The following SAMMSON variants were observed in gnomAD, a reference collection of about 807,000 sequenced individuals.
SAMMSON encodes the protein survival associated mitochondrial melanoma specific oncogenic non-coding RNA, also known as long intergenic non-protein coding RNA 1212.
intron 9 of SAMMSON, among the ~76,000 whole-genome samples, chr3:70,377,467 A>G (rs889720074): frequency 3.3e-5 from 5 of 152,064 alleles, no homozygotes; most frequent in African/African-American, 9.7e-5. Context: ...TGGACACCCC[A>G]CTCCACAAGA....
At chr3:70,224,947 T>G (rs1422282559) in intron 4 of SAMMSON, among the ~76,000 whole-genome samples, 1 of 152,190 alleles carries the variant, frequency 6.6e-6, no homozygotes, top group Non-Finnish European at 1.5e-5. Context: ...TTCATTAGTT[T>G]TGACTAAATA....
chr3:70,125,052 C>T, intron 4 of SAMMSON: 2 of 793,636 alleles, frequency 2.5e-6, no homozygotes, highest in Non-Finnish European at 4.3e-6. Context: ...TCAAAAGAAA[C>T]CTTTATTAAT....
At chr3:70,124,003 G>A (rs73105989) in intron 4 of SAMMSON, among the ~76,000 whole-genome samples, 33,079 of 152,162 alleles carry the variant, frequency 0.22, 3,931 homozygotes, top group East Asian at 0.5. Context: ...CAGATTGGGC[G>A]GATGCCCGGA....
At chr3:70,316,988 AGGT>A (rs1384294274) in intron 7 of SAMMSON, among the ~76,000 whole-genome samples, 18 of 152,192 alleles carry the variant, frequency 1.2e-4, no homozygotes, top group African/African-American at 3.8e-4. Context: ...AGTTGCTAGT[AGGT>A]GGTGTGTTAC....
intron 3 of SAMMSON, among the ~76,000 whole-genome samples, chr3:70,067,196 TACGG>T (rs1307436819): frequency 2.2e-4 from 34 of 152,162 alleles, no homozygotes; most frequent in Admixed American, 1.3e-4. Context: ...GAGATTTCCT[TACGG>T]TATTTTCCAT....
intron 3 of SAMMSON, among the ~76,000 whole-genome samples, chr3:70,058,546 G>A (rs1372478685): frequency 1.3e-5 from 2 of 152,038 alleles, no homozygotes; most frequent in Non-Finnish European, 2.9e-5. Context: ...TAAAAACCCT[G>A]TGCTGGCTTT....
chr3:70,046,631 G>A (rs2067127935), intron 3 of SAMMSON, among the ~76,000 whole-genome samples: 1 of 151,966 alleles, frequency 6.6e-6, no homozygotes, highest in Non-Finnish European at 1.5e-5. Context: ...GTTTCACATT[G>A]CACTACTTTT....
chr3:70,108,212 T>C, intron 4 of SAMMSON, among the ~76,000 whole-genome samples: 1 of 151,998 alleles, frequency 6.6e-6, no homozygotes, highest in African/African-American at 2.4e-5. Flanking sequence ...TCTCTGTTAA[T>C]GTGAAGGCCA....
chr3:70,124,706 T>C (rs2067448447), intron 4 of SAMMSON, among the ~76,000 whole-genome samples: 1 of 150,218 alleles, frequency 6.7e-6, no homozygotes, highest in South Asian at 2.1e-4. Flanking sequence ...TCCCAGCTAC[T>C]TGGGAGGCTG....
intron 2 of SAMMSON, among the ~76,000 whole-genome samples, chr3:70,427,702 C>T (rs1044148437): frequency 5.4e-5 from 8 of 148,424 alleles, no homozygotes; most frequent in African/African-American, 2.0e-4. Flanking sequence ...CGCGCCACTG[C>T]GCTCCAGCCT....
chr3:70,329,845 T>G (rs1193990559), intron 7 of SAMMSON, among the ~76,000 whole-genome samples: 1 of 152,030 alleles, frequency 6.6e-6, no homozygotes, highest in Non-Finnish European at 1.5e-5. Context: ...TCTAATTGAA[T>G]AAGCAGAAAT....
At chr3:70,309,033 C>T (rs1008600295) in intron 7 of SAMMSON, among the ~76,000 whole-genome samples, 1 of 152,110 alleles carries the variant, frequency 6.6e-6, no homozygotes, top group African/African-American at 2.4e-5. Context: ...GAGAAAAACA[C>T]TTTTTTGAAC....
At chr3:70,027,379 G>T (rs1220059491) in intron 3 of SAMMSON, among the ~76,000 whole-genome samples, 2 of 152,144 alleles carry the variant, frequency 1.3e-5, no homozygotes, top group Admixed American at 6.6e-5. Flanking sequence ...CTCCTTTGGA[G>T]AATCTACTGA....
rs117576001 is a variant in SAMMSON at position 70,214,354 on chromosome 3, T to G, written n.508-34753T>G. On this transcript the variant is annotated intron_variant and non_coding_transcript_variant, in intron 4 of 9. Transcript: ENST00000642114. The stretch of plus-strand genomic sequence containing the variant: ...AACTAAAACCCTGCCTCAAGAAACG[T>G]TAGATGAAATGTTTATCAAGGGCTA... Among the ~76,000 whole-genome samples the G allele has an allele frequency of 1.2e-3, 184 of 152,210 alleles. 4 individuals are homozygous for G. The East Asian group carries it at 0.035, about 29-fold the overall frequency.
intron 4 of SAMMSON, chr3:70,125,867 C>G (rs1301009494): frequency 1.5e-6 from 1 of 678,668 alleles, no homozygotes; most frequent in Non-Finnish European, 2.7e-6. Flanking sequence ...TGGTCCTCAT[C>G]ATCACTGCTG....
chr3:70,404,845 T>G (rs1008048257), intron 2 of SAMMSON, among the ~76,000 whole-genome samples: 1 of 152,092 alleles, frequency 6.6e-6, no homozygotes, highest in Non-Finnish European at 1.5e-5. Context: ...GCCCAGAGTT[T>G]GGCAAGCTGG....
chr3:70,264,495 T>C lies in SAMMSON; in HGVS notation n.674+14825T>C, dbSNP rs1176408817. 3.3e-5 allele frequency among the ~76,000 whole-genome samples: 5 copies of C among 152,328 alleles called. No homozygotes were observed. In the Middle Eastern group the frequency reaches 0.014, roughly 414 times the overall value. On this transcript the variant is annotated intron_variant and non_coding_transcript_variant, in intron 6 of 9. Transcript: ENST00000642114. ...TGCCTGAGTCCACATGACCAGCATA[T>C]TCTCTCCCTGTTAGAGAATAACCAT...
chr3:70,234,656 G>A (rs1045210772), intron 4 of SAMMSON, among the ~76,000 whole-genome samples: 3 of 148,724 alleles, frequency 2.0e-5, no homozygotes, highest in Non-Finnish European at 3.0e-5. Context: ...AAAAAAAAAA[G>A]TTTCTGGTGC....
At chr3:70,003,712 A>G (rs1174809512) in intron 1 of SAMMSON, among the ~76,000 whole-genome samples, 1 of 99,800 alleles carries the variant, frequency 1.0e-5, no homozygotes. Flanking sequence ...TCACATATTT[A>G]CCATATTTTT....
Sources: gnomAD v4.1 joint callset for allele counts (sites outside exome capture counted in the v4.1 genomes callset) on GRCh38, gnomAD v4.1.1 for gene constraint, MANE v1.5 for transcripts, NCBI Gene and HGNC (gene_info 2026-07-23, HGNC 2026-07-21) for gene names.